SEMA5A: variants seen among roughly 807,000 people sequenced by gnomAD.
SEMA5A encodes semaphorin-5A.
Under a neutral mutation model 135.5 loss-of-function variants are expected in SEMA5A, and 55 were observed. The observed-to-expected ratio is 0.41, with a 90% CI of 0.33 to 0.51. The LOEUF is 0.51. Among genes scored for constraint, SEMA5A ranks in the 20% least tolerant of loss-of-function variants. SEMA5A has a pLI of 0.37. For missense variants in SEMA5A, 1,290 were observed against 1,419.9 expected (o/e 0.91, Z 1.47); for synonymous variants, 580 against 546.5 (o/e 1.06, Z -0.85).
chr5:9,379,270 G>C (rs762633093), intron 3 of SEMA5A, among the ~76,000 whole-genome samples: 1 of 152,110 alleles, frequency 6.6e-6, no homozygotes, highest in Non-Finnish European at 1.5e-5. Flanking sequence ...GAATGCTTGA[G>C]TGCCCCGGGT....
chr5:9,135,853 A>T lies in SEMA5A; in HGVS notation c.1599+651T>A, dbSNP rs969735754. On this transcript the variant is annotated intron_variant, in intron 13 of 22. Transcript: ENST00000382496. ...CAAACAAACAAAAAAAAAGCAAAAA[A>T]TATTCTAAGTACTGGTTCCTATAAA... 3.9e-5 allele frequency among the ~76,000 whole-genome samples: 6 copies of T among 152,234 alleles called. No homozygotes were observed. In the East Asian group the frequency reaches 1.2e-3, roughly 29 times the overall value.
intron 8 of SEMA5A, among the ~76,000 whole-genome samples, chr5:9,210,357 C>T (rs1746276694): frequency 6.6e-6 from 1 of 152,168 alleles, no homozygotes; most frequent in Admixed American, 6.5e-5. Context: ...TAAGAACTGA[C>T]TCATGTCACT....
intron 1 of SEMA5A, among the ~76,000 whole-genome samples, chr5:9,467,511 G>A (rs1176970967): frequency 6.6e-6 from 1 of 152,172 alleles, no homozygotes. Flanking sequence ...GGTATTTACT[G>A]GAGGACTCCA....
At chr5:9,345,807 C>A (rs1753839113) in intron 3 of SEMA5A, among the ~76,000 whole-genome samples, 3 of 151,992 alleles carry the variant, frequency 2.0e-5, no homozygotes, top group African/African-American at 7.3e-5. Flanking sequence ...AGTATATACA[C>A]AATACATATA....
At chr5:9,524,094 G>T (rs909444756) in intron 1 of SEMA5A, among the ~76,000 whole-genome samples, 1 of 152,130 alleles carries the variant, frequency 6.6e-6, no homozygotes, top group Admixed American at 6.5e-5. Context: ...GTGCAGTGTT[G>T]TGATGGAGTT....
chr5:9,367,799 A>G (rs1754979616), intron 3 of SEMA5A, among the ~76,000 whole-genome samples: 1 of 152,192 alleles, frequency 6.6e-6, no homozygotes, highest in Admixed American at 6.5e-5. Context: ...GAATGGGGGA[A>G]GATCCCTCAT....
rs1264107079 is a variant in SEMA5A, at chr5:9,041,470, G to A, written c.*1427C>T. The A allele has an allele frequency of 6.6e-6, 1 of 152,110 alleles. No homozygotes were observed. The highest frequency in any genetic ancestry group is 1.5e-5 in the Non-Finnish European group (1 of 68,026). The allele number at this position is 152,110 out of a possible 1,614,324, so 9.4% of individuals were successfully genotyped here. A position where few individuals can be genotyped will look rare whatever the true frequency, so the allele number is the denominator to read the frequency against. On this transcript the variant is annotated 3_prime_UTR_variant, in exon 23 of 23. Coordinates refer to ENST00000382496, the MANE Select transcript of SEMA5A (RefSeq NM_003966.3). ...GCCATAGGTTATGTATTGGTTGTTTGTGAGAAAATTATATATTTTTTTCCA... is the reference window on the plus strand; with the variant it reads ...GCCATAGGTTATGTATTGGTTGTTTATGAGAAAATTATATATTTTTTTCCA...
intron 5 of SEMA5A, among the ~76,000 whole-genome samples, chr5:9,252,430 A>G (rs555843881): frequency 6.6e-6 from 1 of 152,224 alleles, no homozygotes; most frequent in African/African-American, 2.4e-5. Flanking sequence ...ACTTGAAATA[A>G]TAACAGAGGT....
intron 1 of SEMA5A, among the ~76,000 whole-genome samples, chr5:9,507,787 G>A (rs1735976484): frequency 6.6e-6 from 1 of 152,002 alleles, no homozygotes; most frequent in Non-Finnish European, 1.5e-5. Flanking sequence ...GGCGGATCAC[G>A]AGGTCAGGAG....
intron 12 of SEMA5A, among the ~76,000 whole-genome samples, chr5:9,145,613 C>T (rs1478501211): frequency 6.6e-6 from 1 of 150,842 alleles, no homozygotes; most frequent in Non-Finnish European, 1.5e-5. Context: ...AAGCAGGAGG[C>T]CTGTGGAGTA....
intron 6 of SEMA5A, among the ~76,000 whole-genome samples, chr5:9,228,054 A>G (rs1185188544): frequency 3.3e-5 from 5 of 152,242 alleles, no homozygotes; most frequent in African/African-American, 1.2e-4. Flanking sequence ...TCACTTATTC[A>G]GCAAGCATTC....
chr5:9,172,901 T>C (rs866075001), intron 11 of SEMA5A, among the ~76,000 whole-genome samples: 3 of 152,236 alleles, frequency 2.0e-5, no homozygotes, highest in Non-Finnish European at 2.9e-5. Context: ...ACAGTGGTTA[T>C]AGGTAGCAAG....
chr5:9,305,448 G>A lies in SEMA5A; in HGVS notation c.270+12924C>T, dbSNP rs144148635. Among the ~76,000 whole-genome samples, 111 of 151,560 alleles carry A rather than the reference G, an allele frequency of 7.3e-4. 1 individual carries two copies. The East Asian group carries it at 0.017, about 23-fold the overall frequency. ...TAATTTGGTTCACTCTGTGTTTTTC[G>A]TAACTGGGAACTGCAAGAACATTAG... is the stretch of plus-strand genomic sequence containing the variant. On this transcript the variant is annotated intron_variant, in intron 5 of 22. Coordinates refer to ENST00000382496, the MANE Select transcript of SEMA5A (RefSeq NM_003966.3).
intron 5 of SEMA5A, among the ~76,000 whole-genome samples, chr5:9,293,819 G>T (rs571619259): frequency 2.6e-5 from 4 of 152,256 alleles, no homozygotes; most frequent in Non-Finnish European, 5.9e-5. Context: ...AGGGGATATT[G>T]GGTAGGTACT....
intron 11 of SEMA5A, among the ~76,000 whole-genome samples, chr5:9,173,725 G>T (rs965634057): frequency 4.6e-5 from 7 of 152,160 alleles, no homozygotes; most frequent in African/African-American, 1.7e-4. Context: ...TTGCAAGAGG[G>T]CTGGTTAATG....
At chr5:9,234,308 G>A (rs1436299774) in intron 6 of SEMA5A, among the ~76,000 whole-genome samples, 3 of 152,132 alleles carry the variant, frequency 2.0e-5, no homozygotes, top group African/African-American at 7.2e-5. Flanking sequence ...TCCCTTCTCT[G>A]TCCCAGGAGC....
chr5:9,082,996 A>G (rs767851533), intron 16 of SEMA5A, among the ~76,000 whole-genome samples: 4 of 152,244 alleles, frequency 2.6e-5, no homozygotes, highest in South Asian at 2.1e-4. Context: ...CAGAGTTTAC[A>G]TGAAGCTGTC....
intron 3 of SEMA5A, among the ~76,000 whole-genome samples, chr5:9,353,934 C>A (rs548246005): frequency 6.7e-6 from 1 of 149,820 alleles, no homozygotes; most frequent in African/African-American, 2.5e-5. Flanking sequence ...AAGTCAAACA[C>A]CAAAGATGTT....
intron 15 of SEMA5A, among the ~76,000 whole-genome samples, chr5:9,117,078 T>C (rs940656387): frequency 2.6e-5 from 4 of 152,242 alleles, no homozygotes; most frequent in African/African-American, 4.8e-5. Context: ...CAAATGCTAA[T>C]CTACAAATGA....
Sources: allele counts gnomAD v4.1 joint callset (sites outside exome capture counted in the v4.1 genomes callset), GRCh38; gene constraint gnomAD v4.1.1; transcripts MANE v1.5; gene names NCBI Gene and HGNC (gene_info 2026-07-23, HGNC 2026-07-21).